The following DYNC1I2 variants were observed in gnomAD, a reference collection of about 807,000 sequenced individuals.
DYNC1I2 encodes cytoplasmic dynein 1 intermediate chain 2.
DYNC1I2 carries 53 observed loss-of-function variants against 88.6 expected under a neutral mutation model. The observed-to-expected ratio is 0.60, with a 90% CI of 0.48 to 0.75. The LOEUF is 0.75. Among genes scored for constraint, DYNC1I2 ranks in the 30% least tolerant of loss-of-function variants. DYNC1I2 has a pLI of 0.00. For missense variants in DYNC1I2, 458 were observed against 766.6 expected (o/e 0.60, Z 4.75); for synonymous variants, 198 against 254.6 (o/e 0.78, Z 2.12).
intron 5 of DYNC1I2, 107 bp downstream of exon 5, chr2:171,707,484 C>G: frequency 1.1e-6 from 1 of 924,708 alleles, no homozygotes; most frequent in African/African-American, 1.7e-5. Context: ...TTAGTCCTAA[C>G]ATTTTAAAAT....
chr2:171,747,472 T>C (rs1198933395), intron 17 of DYNC1I2, among the ~76,000 whole-genome samples: 1 of 152,010 alleles, frequency 6.6e-6, no homozygotes, highest in Non-Finnish European at 1.5e-5. Flanking sequence ...AAGGAATTCC[T>C]CTCCAGCAAA....
chr2:171,702,618 AATC>A (rs1309151941), intron 3 of DYNC1I2, among the ~76,000 whole-genome samples: 3 of 152,170 alleles, frequency 2.0e-5, no homozygotes, highest in Admixed American at 6.5e-5. Flanking sequence ...TATTTTAAAA[AATC>A]AATCTATTGT....
chr2:171,707,915 AC>A (rs1002065386), intron 5 of DYNC1I2, among the ~76,000 whole-genome samples: 15 of 152,186 alleles, frequency 9.9e-5, no homozygotes, highest in Non-Finnish European at 1.8e-4. Context: ...GCATTCCTGA[AC>A]TTGCATCTTC....
intron 17 of DYNC1I2, 126 bp downstream of exon 17, chr2:171,746,053 AACTT>A: frequency 2.1e-6 from 2 of 943,066 alleles, no homozygotes; most frequent in Middle Eastern, 2.3e-4. Flanking sequence ...GTAAAGATAA[AACTT>A]ACTTTCTACC....
intron 3 of DYNC1I2, among the ~76,000 whole-genome samples, chr2:171,695,491 T>C (rs62181743): frequency 0.13 from 20,317 of 152,272 alleles, 1,732 homozygotes; most frequent in South Asian, 0.2. Flanking sequence ...TATATATAAA[T>C]GGCATAGTGC....
At chr2:171,732,147 T>A (rs1177143951) in intron 15 of DYNC1I2, among the ~76,000 whole-genome samples, 2 of 152,202 alleles carry the variant, frequency 1.3e-5, no homozygotes, top group African/African-American at 4.8e-5. Context: ...GTGGATCACC[T>A]GAGGTCAGGA....
intron 5 of DYNC1I2, among the ~76,000 whole-genome samples, chr2:171,711,444 A>C (rs756903987): frequency 3.9e-5 from 6 of 152,234 alleles, no homozygotes; most frequent in Non-Finnish European, 5.9e-5. Context: ...TTTGAGGTAC[A>C]GTGTTACTTG....
chr2:171,706,844 A>G (rs1686719806), intron 4 of DYNC1I2: 3 of 417,902 alleles, frequency 7.2e-6, no homozygotes, highest in Non-Finnish European at 1.3e-5. Flanking sequence ...AATCTTGAGA[A>G]ACTAGAGATT....
intron 3 of DYNC1I2, among the ~76,000 whole-genome samples, chr2:171,700,341 C>T (rs564134570): frequency 6.6e-6 from 1 of 152,138 alleles, no homozygotes; most frequent in African/African-American, 2.4e-5. Context: ...TTGGAAGTCA[C>T]AAAGCATCAC....
intron 3 of DYNC1I2, among the ~76,000 whole-genome samples, chr2:171,698,162 C>T (rs916492886): frequency 2.0e-5 from 3 of 152,178 alleles, no homozygotes; most frequent in Admixed American, 1.3e-4. Flanking sequence ...CGATGATCCT[C>T]ATCTAAGTTA....
chr2:171,706,614 T>A, intron 4 of DYNC1I2, 50 bp downstream of exon 4: 2 of 1,525,106 alleles, frequency 1.3e-6, no homozygotes, highest in Non-Finnish European at 1.8e-6. Flanking sequence ...TGCATCACTT[T>A]ATGTTATGCA....
intron 15 of DYNC1I2, among the ~76,000 whole-genome samples, chr2:171,743,066 C>T (rs1422215814): frequency 4.6e-5 from 7 of 152,152 alleles, no homozygotes; most frequent in African/African-American, 1.2e-4. Flanking sequence ...AACTTAACTA[C>T]TAATAGCCTA....
intron 15 of DYNC1I2, 79 bp from the exon 16 acceptor site, chr2:171,743,969 AT>A (rs894683870): frequency 1.3e-5 from 16 of 1,276,766 alleles, no homozygotes; most frequent in African/African-American, 7.6e-5. Flanking sequence ...AATGTATGTC[AT>A]TTTTTTCCCA....
chr2:171,743,019 C>T (rs958502323), intron 15 of DYNC1I2, among the ~76,000 whole-genome samples: 2 of 152,258 alleles, frequency 1.3e-5, no homozygotes, highest in Admixed American at 1.3e-4. Context: ...CCTATCCCAG[C>T]AGTTCAAAAT....
At chr2:171,737,570 A>G (rs535031642) in intron 15 of DYNC1I2, among the ~76,000 whole-genome samples, 66 of 152,156 alleles carry the variant, frequency 4.3e-4, no homozygotes, top group Non-Finnish European at 9.0e-4. Context: ...GGCATGTGCC[A>G]CCATGCCCAA....
At chr2:171,723,796 C>T (rs575226032) in intron 7 of DYNC1I2, among the ~76,000 whole-genome samples, 10 of 152,344 alleles carry the variant, frequency 6.6e-5, no homozygotes, top group African/African-American at 1.4e-4. Context: ...CCACCGCCTC[C>T]TCAGCAGGGT....
intron 3 of DYNC1I2, among the ~76,000 whole-genome samples, chr2:171,693,407 A>G (rs1375458286): frequency 1.3e-5 from 2 of 152,222 alleles, no homozygotes; most frequent in Admixed American, 1.3e-4. Flanking sequence ...ACTTAATCTT[A>G]TTATTTTTCT....
At position 171,690,337 on chromosome 2, in the gene DYNC1I2, A is replaced by G. The variant is rs566928437; in HGVS notation, c.108+74A>G. ...TTATTTCACATATTTATATATTTAC[A>G]TATAGGTTGGTGCAAAAGTAATCGT... On this transcript the variant is annotated intron_variant, in intron 2 of 17. Coordinates refer to ENST00000397119, the MANE Select transcript of DYNC1I2 (RefSeq NM_001378.3). 8 of 1,118,588 alleles carry G rather than the reference A, an allele frequency of 7.2e-6. No homozygotes were observed. The South Asian group carries it at 9.6e-5, about 13-fold the overall frequency. 69.3% of individuals were successfully genotyped at this position (1,118,588 alleles called of 1,614,324 possible). A position where few individuals can be genotyped will look rare whatever the true frequency, so the allele number is the denominator to read the frequency against.
intron 7 of DYNC1I2, among the ~76,000 whole-genome samples, chr2:171,723,858 T>A (rs946390853): frequency 2.0e-5 from 3 of 152,182 alleles, no homozygotes; most frequent in Non-Finnish European, 2.9e-5. Flanking sequence ...GGCAGGTGCA[T>A]TATACCCTGT....
Sources: gnomAD v4.1 joint callset for allele counts (sites outside exome capture counted in the v4.1 genomes callset) on GRCh38, gnomAD v4.1.1 for gene constraint, MANE v1.5 for transcripts, NCBI Gene and HGNC (gene_info 2026-07-23, HGNC 2026-07-21) for gene names.